DOCK1: variants seen among roughly 807,000 people sequenced by gnomAD.
DOCK1 encodes the protein dedicator of cytokinesis protein 1.
A neutral mutation model predicts 262.7 loss-of-function variants in DOCK1; 138 were observed. The ratio of observed to expected loss-of-function variants is 0.53; its 90% confidence interval spans 0.46 to 0.61. The LOEUF (loss-of-function observed/expected upper bound fraction) is 0.61, where lower values mean the gene tolerates loss of function less well. Ranked by LOEUF, DOCK1 falls within the 20% of genes least tolerant of loss-of-function variation. DOCK1 has a pLI of 0.00. For synonymous variants in DOCK1, 866 were observed against 867.4 expected (o/e 1.00, Z 0.03); for missense variants, 1,908 against 2,370.7 (o/e 0.80, Z 4.05).
chr10:127,362,069 C>G lies in DOCK1; in HGVS notation c.3289C>G (p.His1097Asp), dbSNP rs1356634716. 1 of 1,607,664 alleles carries G rather than the reference C, an allele frequency of 6.2e-7. No homozygotes were observed. The highest frequency in any genetic ancestry group is 8.5e-7 in the Non-Finnish European group (1 of 1,178,050). Residue 1097 changes from histidine to aspartate, a missense_variant, in exon 33 of 52, where the codon CAC (histidine) becomes GAC (aspartate). Physicochemically the swap from His to Asp is moderately conservative, Grantham distance 81. Coordinates refer to ENST00000623213, the MANE Select transcript of DOCK1 (RefSeq NM_001290223.2). ...TTGTACCTCTTTTTTCCAAGGTCAA[C>G]ACAAGATAAAGTTCATTCCAGAAAT... ...IRDMWYNLGQ[H>D]KIKFIPEMVG...
rs796481123 is a variant in DOCK1 at position 127,286,535 on chromosome 10, G to A, written c.3044+29106G>A. Among the ~76,000 whole-genome samples the A allele has an allele frequency of 5.9e-5, 9 of 152,096 alleles. 1 individual carries two copies. Among genetic ancestry groups the A allele is most frequent in the African/African-American group, 1.9e-4 (8 of 41,466 alleles). Reference sequence around the variant, plus strand: ...ATTATGTAGTATATACTACAGCTCTGTTTTAACCATCGTTCACCTTTACCA... The same window carrying A: ...ATTATGTAGTATATACTACAGCTCTATTTTAACCATCGTTCACCTTTACCA... On this transcript the variant is annotated intron_variant, in intron 29 of 51. Transcript: ENST00000623213.
intron 1 of DOCK1, among the ~76,000 whole-genome samples, chr10:126,966,483 T>C (rs1042732486): frequency 5.9e-5 from 9 of 152,208 alleles, no homozygotes; most frequent in Non-Finnish European, 1.3e-4. Context: ...TTCATATTGT[T>C]GTCTATAATG....
At chr10:127,399,430 A>G (rs934993064) in intron 38 of DOCK1, among the ~76,000 whole-genome samples, 2 of 152,194 alleles carry the variant, frequency 1.3e-5, no homozygotes, top group Non-Finnish European at 2.9e-5. Context: ...GCCCCATCCA[A>G]TTAAAAGTAG....
chr10:127,078,913 G>A (rs2135992002), intron 23 of DOCK1, among the ~76,000 whole-genome samples: 1 of 152,218 alleles, frequency 6.6e-6, no homozygotes, highest in African/African-American at 2.4e-5. Flanking sequence ...CAGCGTGTTG[G>A]GAGCGGTATA....
chr10:127,374,070 C>A lies in DOCK1; in HGVS notation c.3531C>A (p.His1177Gln). 1 of 1,612,260 alleles carries A rather than the reference C, an allele frequency of 6.2e-7. No individual in the cohort carries two copies. The highest frequency in any genetic ancestry group is 8.5e-7 in the Non-Finnish European group (1 of 1,179,114). The part of the protein sequence containing the change: ...KVLFDKILLE[H>Q]CRKHKYLAKT... ...AATTATTTTTCAGCCTTCTGGAACA[C>A]TGCAGGAAGCACAAATACCTCGCCA... Residue 1177 changes from histidine (H) to glutamine (Q), a missense_variant, in exon 35 of 52, where the codon CAC becomes CAA. Physicochemically the swap from His to Gln is conservative, Grantham distance 24 (BLOSUM62 0). Transcript: ENST00000623213.
At chr10:127,312,305 G>A (rs1432786225) in intron 29 of DOCK1, among the ~76,000 whole-genome samples, 1 of 152,166 alleles carries the variant, frequency 6.6e-6, no homozygotes, top group South Asian at 2.1e-4. Context: ...TCTCCAGTAC[G>A]GATTCCTAGG....
intron 23 of DOCK1, among the ~76,000 whole-genome samples, chr10:127,099,586 G>C (rs560713864): frequency 1.3e-5 from 2 of 152,266 alleles, no homozygotes; most frequent in East Asian, 1.9e-4. Context: ...CATGGCAAGA[G>C]AGGGAACAAG....
At chr10:127,407,420 T>C (rs2067579945) in intron 40 of DOCK1, among the ~76,000 whole-genome samples, 1 of 152,146 alleles carries the variant, frequency 6.6e-6, no homozygotes, top group Non-Finnish European at 1.5e-5. Context: ...ATGACTTTCC[T>C]AAGGGTGGAG....
At position 127,149,515 on chromosome 10, in the gene DOCK1, C is replaced by T. The variant is rs575087835; in HGVS notation, c.2847+21751C>T. On this transcript the variant is annotated intron_variant, in intron 27 of 51. Transcript: ENST00000623213. ...ATTACAGGCCTGTGGTGCTAAAGCC[C>T]CAGGCAGCCGGGTCTTGAACACAGT... 1.2e-3 allele frequency among the ~76,000 whole-genome samples: 186 copies of T among 152,286 alleles called. 3 individuals are homozygous for T. Among genetic ancestry groups the T allele is most frequent in the Non-Finnish European group, 5.3e-4 (36 of 68,020 alleles).
intron 29 of DOCK1, among the ~76,000 whole-genome samples, chr10:127,311,901 G>C (rs965639006): frequency 1.3e-5 from 2 of 151,758 alleles, no homozygotes; most frequent in Non-Finnish European, 2.9e-5. Flanking sequence ...GTCTCACTCT[G>C]TCACCCAGGC....
At chr10:127,196,265 C>T (rs1433587371) in intron 27 of DOCK1, 1 of 148,732 alleles carries the variant, frequency 6.7e-6, no homozygotes, top group African/African-American at 2.4e-5. Flanking sequence ...CCCTCCGGCC[C>T]CGCTTAGCGA....
intron 46 of DOCK1, among the ~76,000 whole-genome samples, chr10:127,421,077 C>T (rs994656138): frequency 4.0e-5 from 6 of 151,854 alleles, no homozygotes; most frequent in East Asian, 2.0e-4. Context: ...CCACCATGCC[C>T]GGCTAATTTT....
chr10:127,194,767 C>G (rs760410065), intron 27 of DOCK1, among the ~76,000 whole-genome samples: 5 of 152,178 alleles, frequency 3.3e-5, no homozygotes, highest in Non-Finnish European at 7.3e-5. Flanking sequence ...CTATCCTGAG[C>G]TGTAGTCTTC....
chr10:127,271,439 A>G (rs944050598), intron 29 of DOCK1, among the ~76,000 whole-genome samples: 1 of 152,226 alleles, frequency 6.6e-6, no homozygotes, highest in Non-Finnish European at 1.5e-5. Flanking sequence ...AAATTTTTAA[A>G]AATTCACTTA....
Position 127,176,190 on chromosome 10 carries a change from A to G in DOCK1, c.2847+48426A>G. On this transcript the variant is annotated intron_variant, in intron 27 of 51. Coordinates refer to ENST00000623213, the MANE Select transcript of DOCK1 (RefSeq NM_001290223.2). The surrounding 1 kb of genome is among the most constrained non-coding windows in gnomAD (Gnocchi z 4.4). ...GGGCTTGGCCTCCCGCTTCTCCCCC[A>G]GCTGGCCCGAGGACAGCTGTGTGTC... 1 of 1,614,114 alleles carries G rather than the reference A, an allele frequency of 6.2e-7. No homozygotes were observed. The highest frequency in any genetic ancestry group is 8.5e-7 in the Non-Finnish European group (1 of 1,180,020).
chr10:127,253,551 A>C (rs958239057), intron 28 of DOCK1, among the ~76,000 whole-genome samples: 1 of 152,098 alleles, frequency 6.6e-6, no homozygotes, highest in African/African-American at 2.4e-5. Context: ...GATCACAAAA[A>C]ATTTTACAAA....
At chr10:126,925,198 T>G (rs1466640745) in intron 1 of DOCK1, among the ~76,000 whole-genome samples, 1 of 152,258 alleles carries the variant, frequency 6.6e-6, no homozygotes, top group Non-Finnish European at 1.5e-5. Context: ...ACAGCCCACC[T>G]TTCTGGGCAA....
intron 27 of DOCK1, among the ~76,000 whole-genome samples, chr10:127,168,636 T>TAATA (rs1439880858): frequency 6.6e-6 from 1 of 152,186 alleles, no homozygotes; most frequent in Non-Finnish European, 1.5e-5. Context: ...TGATCTCTAT[T>TAATA]AAGTGGGTAG....
intron 1 of DOCK1, among the ~76,000 whole-genome samples, chr10:126,928,114 A>G (rs2033904441): frequency 6.6e-6 from 1 of 152,212 alleles, no homozygotes; most frequent in Admixed American, 6.5e-5. Flanking sequence ...CGCTCGTTGG[A>G]GAAGCTGAAA....
Sources: gnomAD v4.1 joint callset for allele counts (sites outside exome capture counted in the v4.1 genomes callset) on GRCh38, gnomAD v4.1.1 for gene constraint, Gnocchi (gnomAD v3.1) non-coding constraint, MANE v1.5 for transcripts, NCBI Gene and HGNC (gene_info 2026-07-23, HGNC 2026-07-21) for gene names.